N4BP2: variants seen among roughly 807,000 people sequenced by gnomAD.
N4BP2 encodes the protein NEDD4 binding protein 2, also known as NEDD4-binding protein 2.
N4BP2 carries 91 observed loss-of-function variants against 152.8 expected under a neutral mutation model. The ratio of observed to expected loss-of-function variants is 0.60; its 90% CI spans 0.50 to 0.71. The LOEUF is 0.71. Ranked by LOEUF, N4BP2 falls within the 30% of genes least tolerant of loss-of-function variation. The pLI is 0.00. For missense variants in N4BP2, 1,923 were observed against 2,059.1 expected, an observed-to-expected ratio of 0.93 and a Z score of 1.28; for synonymous variants, 646 against 705.3, an observed-to-expected ratio of 0.92 and a Z score of 1.33.
intron 1 of N4BP2, among the ~76,000 whole-genome samples, chr4:40,060,856 C>T (rs1391303010): frequency 1.3e-5 from 2 of 152,148 alleles, no homozygotes; most frequent in East Asian, 1.9e-4. Flanking sequence ...CTTCTCACTT[C>T]AACCTCCCAA....
chr4:40,130,772 A>G (rs1229594444), intron 12 of N4BP2, among the ~76,000 whole-genome samples: 4 of 152,218 alleles, frequency 2.6e-5, no homozygotes, highest in Admixed American at 2.6e-4. Flanking sequence ...TAATTTTTAA[A>G]TTTAGGAATT....
chr4:40,158,780 A>C (rs1255361110), downstream of N4BP2, among the ~76,000 whole-genome samples: 1 of 152,190 alleles, frequency 6.6e-6, no homozygotes. Context: ...CAAAAAAAAA[A>C]AGAATCTCTT....
chr4:40,088,747 G>A (rs999744795), intron 2 of N4BP2, among the ~76,000 whole-genome samples: 5 of 151,986 alleles, frequency 3.3e-5, no homozygotes, highest in Non-Finnish European at 5.9e-5. Flanking sequence ...TGATCTGCCC[G>A]CCTTGGCCTC....
intron 2 of N4BP2, chr4:40,083,012 T>TAA (rs1713552928): frequency 3.7e-6 from 1 of 273,848 alleles, no homozygotes; most frequent in Non-Finnish European, 7.4e-6. Context: ...GCTGTATTCT[T>TAA]ACACTGACTG....
chr4:40,107,717 TCATTAA>T (rs1297589243), intron 5 of N4BP2, among the ~76,000 whole-genome samples: 2 of 152,192 alleles, frequency 1.3e-5, no homozygotes, highest in Non-Finnish European at 2.9e-5. Context: ...ATTTTAACTG[TCATTAA>T]CATTAATTCT....
Position 40,085,454 on chromosome 4 carries a change from A to G in N4BP2, c.-114-11773A>G, listed in dbSNP as rs139477290. 1.1e-3 allele frequency among the ~76,000 whole-genome samples: 164 copies of G among 152,206 alleles called. 3 individuals carry two copies. The East Asian group carries it at 0.027, about 25-fold the overall frequency. ...ATTTGTTAGCATGTTGATAGGATTT[A>G]TTTTTTATTCTTTTTCTTAAGAGAT... is the stretch of plus-strand genomic sequence containing the variant. On this transcript the variant is annotated intron_variant, in intron 2 of 17. Transcript: ENST00000261435.
intron 1 of N4BP2, among the ~76,000 whole-genome samples, chr4:40,060,507 A>G (rs551540526): frequency 5.7e-4 from 87 of 151,528 alleles, no homozygotes; most frequent in African/African-American, 2.0e-3. Flanking sequence ...GCCCTCCCAA[A>G]GTGCTGGGAT....
At chr4:40,152,269 A>G (rs1560650780) in intron 16 of N4BP2, among the ~76,000 whole-genome samples, 3 of 152,224 alleles carry the variant, frequency 2.0e-5, no homozygotes, top group Non-Finnish European at 4.4e-5. Flanking sequence ...GAAAATAGGC[A>G]CAAAAGAAGC....
intron 1 of N4BP2, among the ~76,000 whole-genome samples, chr4:40,068,820 C>T (rs571999513): frequency 6.6e-6 from 1 of 152,162 alleles, no homozygotes; most frequent in East Asian, 1.9e-4. Flanking sequence ...TAATTTTTAT[C>T]CTTTAAAAAA....
chr4:40,100,010 A>G, intron 3 of N4BP2: 1 of 448,142 alleles, frequency 2.2e-6, no homozygotes. Flanking sequence ...TGCCCCCTCC[A>G]ATCCCTCTTT....
At chr4:40,095,222 A>G (rs939993420) in intron 2 of N4BP2, among the ~76,000 whole-genome samples, 1 of 152,086 alleles carries the variant, frequency 6.6e-6, no homozygotes, top group African/African-American at 2.4e-5. Flanking sequence ...CTGGGATTAC[A>G]GGCCCATGCC....
At chr4:40,129,526 CTTTTCTT>C (rs1436344397) in intron 12 of N4BP2, among the ~76,000 whole-genome samples, 1 of 152,148 alleles carries the variant, frequency 6.6e-6, no homozygotes, top group Admixed American at 6.6e-5. Flanking sequence ...CACACCTGGC[CTTTTCTT>C]GTTTTTCTGT....
downstream of N4BP2, among the ~76,000 whole-genome samples, chr4:40,160,054 A>G (rs1337640262): frequency 6.6e-6 from 1 of 152,008 alleles, no homozygotes; most frequent in African/African-American, 2.4e-5. Context: ...TCCTGATCTT[A>G]GGTGATCCAT....
chr4:40,121,023 A>G lies in N4BP2; in HGVS notation c.2912A>G (p.Gln971Arg), dbSNP rs1396320022. The G allele has an allele frequency of 6.8e-6, 11 of 1,614,136 alleles. No homozygotes were observed. Among genetic ancestry groups the G allele is most frequent in the Non-Finnish European group, 8.5e-6 (10 of 1,180,022 alleles). Residue 971 changes from glutamine to arginine, a missense_variant, in exon 9 of 18, where the codon CAA becomes CGA. By Grantham distance (43) the Gln-to-Arg change is conservative (BLOSUM62 1). Coordinates refer to ENST00000261435, the MANE Select transcript of N4BP2 (RefSeq NM_018177.6). ...QTCLSKKSHG[Q>R]HTSLPLTFTN... is the part of the protein sequence containing the mutation. ...TGTCTAAGTAAAAAGAGTCATGGGC[A>G]ACACACATCGTTGCCTCTTACTTTT...
At chr4:40,186,386 A>C in the N4BP2 span, among the ~76,000 whole-genome samples, 1 of 152,202 alleles carries the variant, frequency 6.6e-6, no homozygotes, top group Non-Finnish European at 1.5e-5. Context: ...AAAAATAAAA[A>C]AGGAACAACA....
At chr4:40,107,176 T>C (rs921886079) in intron 5 of N4BP2, 152 bp downstream of exon 5, 7 of 710,786 alleles carry the variant, frequency 9.8e-6, no homozygotes, top group Non-Finnish European at 1.4e-5. Flanking sequence ...CTTGGCTCAC[T>C]GCAGCCTTGA....
intron 14 of N4BP2, chr4:40,142,073 C>T (rs188082175): frequency 0.02 from 3,078 of 152,910 alleles, 112 homozygotes; most frequent in African/African-American, 0.073. Flanking sequence ...CAGAGGGAGA[C>T]CGTGGAAAGA....
At chr4:40,136,713 C>T (rs1188929344) in intron 13 of N4BP2, among the ~76,000 whole-genome samples, 2 of 152,090 alleles carry the variant, frequency 1.3e-5, no homozygotes, top group Admixed American at 6.6e-5. Context: ...TATCTTTTGG[C>T]ATTCATTTTT....
chr4:40,090,668 C>T (rs1173707159), intron 2 of N4BP2, among the ~76,000 whole-genome samples: 1 of 152,156 alleles, frequency 6.6e-6, no homozygotes, highest in African/African-American at 2.4e-5. Flanking sequence ...CGTGGTGAGT[C>T]ACGCCTGTAA....
Sources: gnomAD v4.1 joint callset for allele counts (sites outside exome capture counted in the v4.1 genomes callset) on GRCh38, gnomAD v4.1.1 for gene constraint, MANE v1.5 for transcripts, NCBI Gene and HGNC (gene_info 2026-07-23, HGNC 2026-07-21) for gene names.